Variants in LRRC20 observed in about 807,000 individuals in gnomAD.
LRRC20 encodes leucine rich repeat containing 20, also known as leucine-rich repeat-containing protein 20.
A neutral mutation model predicts 14.4 loss-of-function variants in LRRC20; 11 were observed. That is an observed-to-expected ratio of 0.77 (90% CI 0.48 to 1.27). The LOEUF (loss-of-function observed/expected upper bound fraction) is 1.27, where lower values mean the gene tolerates loss of function less well. LRRC20 is among the 50% of genes most tolerant of loss of function. The probability of loss-of-function intolerance (pLI) is 0.00; values close to 1 mark genes in which losing one functional copy is unlikely to be tolerated. For synonymous variants in LRRC20, 121 were observed against 107.3 expected (o/e 1.13, Z -0.79); for missense variants, 219 against 251.2 (o/e 0.87, Z 0.87).
At chr10:70,307,563 TG>T (rs948894203) in intron 4 of LRRC20, among the ~76,000 whole-genome samples, 1 of 152,222 alleles carries the variant, frequency 6.6e-6, no homozygotes, top group Non-Finnish European at 1.5e-5. Context: ...TGTTCTGCTG[TG>T]GGTCACAGCA....
chr10:70,300,411 T>A lies in LRRC20; in HGVS notation c.*943A>T, dbSNP rs1007176643. Reference sequence around the variant, plus strand: ...ACCAGGTCATCAGGGCTTTGGGCGTTGGCCTGGGAGCTGGCTGGCTACAAA... The same window carrying A: ...ACCAGGTCATCAGGGCTTTGGGCGTAGGCCTGGGAGCTGGCTGGCTACAAA... On this transcript the variant is annotated 3_prime_UTR_variant, in exon 5 of 5. Coordinates refer to ENST00000446961, the MANE Select transcript of LRRC20 (RefSeq NM_001278212.2). The A allele has an allele frequency of 4.5e-5, 44 of 985,506 alleles. No homozygotes were observed. The highest frequency in any genetic ancestry group is 5.2e-4 in the Middle Eastern group (1 of 1,916). 61.0% of individuals were successfully genotyped at this position (985,506 alleles called of 1,614,324 possible).
chr10:70,359,911 TTC>T (rs948748950), intron 2 of LRRC20, among the ~76,000 whole-genome samples: 3 of 151,490 alleles, frequency 2.0e-5, no homozygotes, highest in Non-Finnish European at 2.9e-5. Flanking sequence ...TGCATTTTTT[TTC>T]TTTTTCTTTT....
Position 70,300,523 on chromosome 10 carries a change from C to T in LRRC20, c.*831G>A, listed in dbSNP as rs546357428. The T allele has an allele frequency of 2.0e-6, 2 of 985,522 alleles. No individual in the cohort carries two copies. The highest frequency in any genetic ancestry group is 4.7e-5 in the South Asian group (1 of 21,292). The allele number at this position is 985,522 out of a possible 1,614,324, so 61.0% of individuals were successfully genotyped here. On this transcript the variant is annotated 3_prime_UTR_variant, in exon 5 of 5. Coordinates refer to ENST00000446961, the MANE Select transcript of LRRC20 (RefSeq NM_001278212.2). ...TGGACTGGACAGTGGTGAGGGTGGC[C>T]ATCTAATCACTTTAGACAAGAGCTG...
intron 2 of LRRC20, among the ~76,000 whole-genome samples, chr10:70,348,009 G>T (rs1843142967): frequency 6.6e-6 from 1 of 152,120 alleles, no homozygotes; most frequent in South Asian, 2.1e-4. Context: ...CCTCCTGTGT[G>T]CCAGGTACTG....
intron 2 of LRRC20, among the ~76,000 whole-genome samples, chr10:70,354,812 T>A (rs988836713): frequency 6.6e-6 from 1 of 152,204 alleles, no homozygotes; most frequent in African/African-American, 2.4e-5. Context: ...TCTCTCGCTT[T>A]GTTCATGCTT....
chr10:70,347,637 T>C (rs1843123985), intron 2 of LRRC20, among the ~76,000 whole-genome samples: 2 of 151,936 alleles, frequency 1.3e-5, no homozygotes, highest in South Asian at 4.1e-4. Flanking sequence ...CTAGCCAACA[T>C]GGTGAAACCC....
intron 3 of LRRC20, among the ~76,000 whole-genome samples, chr10:70,335,867 C>T (rs898955277): frequency 1.3e-5 from 2 of 152,192 alleles, no homozygotes. Context: ...CTGTCAAATC[C>T]ACATTTTAAG....
At chr10:70,316,110 C>T (rs949234368) in intron 4 of LRRC20, among the ~76,000 whole-genome samples, 2 of 152,074 alleles carry the variant, frequency 1.3e-5, no homozygotes, top group Middle Eastern at 3.4e-3. Context: ...CCTTTTGTTG[C>T]GTTTTATTTT....
chr10:70,375,326 C>T (rs1236813712), intron 2 of LRRC20, among the ~76,000 whole-genome samples: 2 of 152,176 alleles, frequency 1.3e-5, no homozygotes, highest in South Asian at 2.1e-4. Flanking sequence ...GGGAAGCAAA[C>T]AACCACAGGG....
intron 2 of LRRC20, among the ~76,000 whole-genome samples, chr10:70,348,004 T>C (rs908234825): frequency 6.6e-6 from 1 of 152,168 alleles, no homozygotes; most frequent in African/African-American, 2.4e-5. Flanking sequence ...GAGGCCCTCC[T>C]GTGTGCCAGG....
intron 3 of LRRC20, among the ~76,000 whole-genome samples, chr10:70,324,945 T>G (rs922588520): frequency 2.6e-5 from 4 of 152,182 alleles, no homozygotes; most frequent in African/African-American, 9.7e-5. Flanking sequence ...TCATAATGCC[T>G]GTCTCTAGGG....
intron 2 of LRRC20, among the ~76,000 whole-genome samples, chr10:70,373,024 T>C (rs1844366899): frequency 6.6e-6 from 1 of 150,920 alleles, no homozygotes; most frequent in South Asian, 2.1e-4. Flanking sequence ...TGAAGGAAAA[T>C]CACTTGAACC....
At chr10:70,376,137 G>A (rs1029243027) in intron 2 of LRRC20, among the ~76,000 whole-genome samples, 7 of 152,110 alleles carry the variant, frequency 4.6e-5, no homozygotes, top group Admixed American at 3.9e-4. Context: ...CACGGGGCCT[G>A]GCACACAGAT....
At chr10:70,304,148 C>T (rs1314834470) in intron 4 of LRRC20, among the ~76,000 whole-genome samples, 1 of 152,062 alleles carries the variant, frequency 6.6e-6, no homozygotes, top group Non-Finnish European at 1.5e-5. Flanking sequence ...GCCCTCGACG[C>T]GTGCCCTGTG....
At chr10:70,326,076 G>A (rs1466178635) in intron 3 of LRRC20, among the ~76,000 whole-genome samples, 1 of 152,074 alleles carries the variant, frequency 6.6e-6, no homozygotes, top group Non-Finnish European at 1.5e-5. Context: ...GTAAAAGAAA[G>A]GGAAAATCTT....
At chr10:70,317,369 T>TA (rs1440532974) in intron 4 of LRRC20, among the ~76,000 whole-genome samples, 5 of 151,348 alleles carry the variant, frequency 3.3e-5, no homozygotes, top group Non-Finnish European at 4.4e-5. Context: ...TTTTTTTTTT[T>TA]AAATTGTTGT....
At chr10:70,342,325 C>A (rs1842946960) in intron 2 of LRRC20, among the ~76,000 whole-genome samples, 3 of 151,518 alleles carry the variant, frequency 2.0e-5, no homozygotes, top group Admixed American at 2.0e-4. Flanking sequence ...AAAAAAAGTT[C>A]TAAGATTGGA....
chr10:70,376,198 ACACT>A (rs1165449683), intron 2 of LRRC20, among the ~76,000 whole-genome samples: 3 of 152,288 alleles, frequency 2.0e-5, no homozygotes, highest in East Asian at 1.9e-4. Flanking sequence ...AAGGGCACAC[ACACT>A]CAGTCATCAG....
intron 2 of LRRC20, among the ~76,000 whole-genome samples, chr10:70,358,286 C>T (rs76719606): frequency 0.048 from 7,360 of 152,190 alleles, 225 homozygotes; most frequent in South Asian, 0.096. Context: ...TGCCAAACAA[C>T]GCAATCCACT....
Sources: gnomAD v4.1 joint callset for allele counts (sites outside exome capture counted in the v4.1 genomes callset) on GRCh38, gnomAD v4.1.1 for gene constraint, MANE v1.5 for transcripts, NCBI Gene and HGNC (gene_info 2026-07-23, HGNC 2026-07-21) for gene names.